The following PLSCR1 variants were observed in gnomAD, a reference collection of about 807,000 sequenced individuals.
PLSCR1 encodes the protein phospholipid scramblase 1.
In PLSCR1, 17 loss-of-function variants were observed where a neutral mutation model predicts 37.8. That is an observed-to-expected ratio of 0.45 (90% confidence interval 0.31 to 0.68). The LOEUF (loss-of-function observed/expected upper bound fraction) is 0.68. Among genes scored for constraint, PLSCR1 ranks in the 30% least tolerant of loss-of-function variants. The pLI, the probability that PLSCR1 is intolerant of heterozygous loss-of-function variation, is 0.06. For missense variants in PLSCR1, 347 were observed against 380.9 expected, an observed-to-expected ratio of 0.91 and a Z score of 0.74; for synonymous variants, 116 against 125.9, an observed-to-expected ratio of 0.92 and a Z score of 0.53.
intron 3 of PLSCR1, among the ~76,000 whole-genome samples, chr3:146,532,623 T>C (rs1367603676): frequency 6.6e-6 from 1 of 152,184 alleles, no homozygotes; most frequent in Non-Finnish European, 1.5e-5. Context: ...CCTAAGCACA[T>C]TTGTTTACTC....
chr3:146,542,927 T>G (rs2044355262), intron 1 of PLSCR1, among the ~76,000 whole-genome samples: 1 of 152,064 alleles, frequency 6.6e-6, no homozygotes. Context: ...AATATATTAT[T>G]AAAAATACTC....
At chr3:146,543,895 T>C (rs2044369725) in intron 1 of PLSCR1, among the ~76,000 whole-genome samples, 1 of 152,186 alleles carries the variant, frequency 6.6e-6, no homozygotes, top group Admixed American at 6.5e-5. Flanking sequence ...TGACTGGAGC[T>C]AATGGTCTTA....
intron 1 of PLSCR1, among the ~76,000 whole-genome samples, chr3:146,538,668 T>A (rs894134520): frequency 6.6e-6 from 1 of 152,126 alleles, no homozygotes; most frequent in East Asian, 1.9e-4. Context: ...TAAGGGCAAA[T>A]CCTAAATAAA....
At chr3:146,522,508 T>G (rs1192939339) in intron 5 of PLSCR1, among the ~76,000 whole-genome samples, 1 of 151,704 alleles carries the variant, frequency 6.6e-6, no homozygotes, top group Non-Finnish European at 1.5e-5. Flanking sequence ...TTGTTAAGAG[T>G]CATCACCACT....
At chr3:146,520,313 T>G (rs909079076) in intron 7 of PLSCR1, 2 of 152,188 alleles carry the variant, frequency 1.3e-5, no homozygotes, top group Non-Finnish European at 2.9e-5. Flanking sequence ...TTTCCAGTGT[T>G]TTCATTTATT....
At chr3:146,516,328 G>T in intron 8 of PLSCR1, 2 of 360,828 alleles carry the variant, frequency 5.5e-6, no homozygotes, top group South Asian at 5.8e-5. Context: ...ATACCTGTAT[G>T]AATTTAATTA....
intron 5 of PLSCR1, among the ~76,000 whole-genome samples, chr3:146,522,605 T>C (rs2044041456): frequency 6.6e-6 from 1 of 152,136 alleles, no homozygotes; most frequent in South Asian, 2.1e-4. Context: ...GTCCAAGGTT[T>C]CTCCCCATGT....
chr3:146,544,439 G>A (rs2107829444), intron 1 of PLSCR1, 28 bp downstream of exon 1: 1 of 152,544 alleles, frequency 6.6e-6, no homozygotes, highest in South Asian at 2.1e-4. Context: ...AAGTCCCCAG[G>A]AGGCGGCAGA....
chr3:146,540,068 T>C (rs2044318487), intron 1 of PLSCR1, among the ~76,000 whole-genome samples: 1 of 152,218 alleles, frequency 6.6e-6, no homozygotes, highest in African/African-American at 2.4e-5. Flanking sequence ...TTTAGCATGA[T>C]AATTCATAAA....
chr3:146,528,433 T>C (rs2044148423), intron 4 of PLSCR1, 181 bp downstream of exon 4: 1 of 603,936 alleles, frequency 1.7e-6, no homozygotes, highest in African/African-American at 1.9e-5. Flanking sequence ...AATACAATTT[T>C]CTAAGGCATT....
intron 3 of PLSCR1, among the ~76,000 whole-genome samples, chr3:146,532,419 T>C (rs771116840): frequency 3.3e-5 from 5 of 152,228 alleles, no homozygotes; most frequent in Admixed American, 1.3e-4. Flanking sequence ...TTAATTTTTC[T>C]GGAATAGTGC....
At chr3:146,539,960 T>G (rs1436291261) in intron 1 of PLSCR1, among the ~76,000 whole-genome samples, 1 of 152,128 alleles carries the variant, frequency 6.6e-6, no homozygotes, top group Non-Finnish European at 1.5e-5. Flanking sequence ...TAATGATCCT[T>G]TGGGTTTTCT....
chr3:146,530,513 T>C (rs922179749), intron 3 of PLSCR1, among the ~76,000 whole-genome samples: 1 of 152,092 alleles, frequency 6.6e-6, no homozygotes, highest in African/African-American at 2.4e-5. Context: ...ATGGATGTGA[T>C]GGAGAGAATG....
chr3:146,539,218 A>C (rs547978641), intron 1 of PLSCR1, among the ~76,000 whole-genome samples: 1 of 152,334 alleles, frequency 6.6e-6, no homozygotes, highest in African/African-American at 2.4e-5. Flanking sequence ...TCTCATAAGG[A>C]GTGCGCAACC....
intron 1 of PLSCR1, among the ~76,000 whole-genome samples, chr3:146,537,818 T>C (rs1218056104): frequency 6.6e-6 from 1 of 152,182 alleles, no homozygotes; most frequent in Non-Finnish European, 1.5e-5. Flanking sequence ...TCTAATGAAG[T>C]ATGATGTCAT....
chr3:146,522,994 CA>C (rs2044051531), intron 5 of PLSCR1, among the ~76,000 whole-genome samples: 1 of 152,204 alleles, frequency 6.6e-6, no homozygotes, highest in Non-Finnish European at 1.5e-5. Context: ...ACCTTCTCCC[CA>C]CTATTATCCT....
chr3:146,542,468 A>G (rs1185164533), intron 1 of PLSCR1, among the ~76,000 whole-genome samples: 1 of 152,182 alleles, frequency 6.6e-6, no homozygotes, highest in Admixed American at 6.5e-5. Context: ...CTCATGATGC[A>G]TTTCTCAGAA....
intron 1 of PLSCR1, among the ~76,000 whole-genome samples, chr3:146,543,392 C>G (rs940590252): frequency 1.3e-5 from 2 of 152,186 alleles, no homozygotes; most frequent in African/African-American, 4.8e-5. Context: ...TTCATTTCCC[C>G]GCATTTTCTC....
chr3:146,536,623 C>T, intron 1 of PLSCR1, 58 bp from the exon 2 acceptor site: 2 of 992,148 alleles, frequency 2.0e-6, no homozygotes, highest in Non-Finnish European at 3.2e-6. Flanking sequence ...TCAAATATAA[C>T]AGTTGAATCG....
Sources: allele counts gnomAD v4.1 joint callset (sites outside exome capture counted in the v4.1 genomes callset), GRCh38; gene constraint gnomAD v4.1.1; transcripts MANE v1.5; gene names NCBI Gene and HGNC (gene_info 2026-07-23, HGNC 2026-07-21).